Variants in CATSPERB observed in about 807,000 individuals in gnomAD.
CATSPERB encodes the protein cation channel sperm-associated auxiliary subunit beta.
In CATSPERB, 93 loss-of-function variants were observed where a neutral mutation model predicts 128.3. That is an observed-to-expected ratio of 0.72 (90% CI 0.61 to 0.86). The LOEUF is 0.86. Ranked by LOEUF, CATSPERB falls within the 40% of genes least tolerant of loss-of-function variation. The pLI is 0.00. For synonymous variants in CATSPERB, 381 were observed against 448.8 expected (o/e 0.85, Z 1.91); for missense variants, 1,153 against 1,329.5 (o/e 0.87, Z 2.06).
chr14:91,629,627 G>A (rs1894236121), intron 17 of CATSPERB, among the ~76,000 whole-genome samples: 1 of 152,066 alleles, frequency 6.6e-6, no homozygotes, highest in South Asian at 2.1e-4. Context: ...ATGGGACAGA[G>A]GTATATAGGA....
chr14:91,614,814 AC>A (rs1893904930), intron 20 of CATSPERB, among the ~76,000 whole-genome samples: 2 of 152,232 alleles, frequency 1.3e-5, no homozygotes, highest in South Asian at 4.1e-4. Context: ...CCAAAACAAA[AC>A]AAAAGATAGA....
At chr14:91,611,886 T>C (rs1440658147) in intron 20 of CATSPERB, among the ~76,000 whole-genome samples, 1 of 152,224 alleles carries the variant, frequency 6.6e-6, no homozygotes, top group Non-Finnish European at 1.5e-5. Context: ...AAAATATTTT[T>C]TAAAGACTTA....
At chr14:91,620,647 G>C (rs144860487) in intron 19 of CATSPERB, among the ~76,000 whole-genome samples, 265 of 152,224 alleles carry the variant, frequency 1.7e-3, no homozygotes, top group African/African-American at 6.2e-3. Context: ...GGAAAGTATA[G>C]AATTCTACTT....
At chr14:91,710,508 G>C (rs574180965) in intron 5 of CATSPERB, 23 of 152,252 alleles carry the variant, frequency 1.5e-4, no homozygotes, top group African/African-American at 5.1e-4. Flanking sequence ...TCATTTGAGA[G>C]ACTTCCAGTT....
intron 11 of CATSPERB, among the ~76,000 whole-genome samples, chr14:91,683,176 T>G (rs1191048390): frequency 6.6e-6 from 1 of 152,244 alleles, no homozygotes; most frequent in Admixed American, 6.5e-5. Flanking sequence ...AAAGATGTTC[T>G]CAGAAACTCC....
At chr14:91,597,231 A>T (rs1376168767) in intron 22 of CATSPERB, among the ~76,000 whole-genome samples, 2 of 152,172 alleles carry the variant, frequency 1.3e-5, no homozygotes, top group Non-Finnish European at 2.9e-5. Context: ...AAGTTTGTCA[A>T]ATATAAAAGC....
chr14:91,633,019 G>A (rs941083040), intron 17 of CATSPERB, among the ~76,000 whole-genome samples: 1 of 152,074 alleles, frequency 6.6e-6, no homozygotes, highest in Non-Finnish European at 1.5e-5. Flanking sequence ...TATCTTCCTA[G>A]CCACTTCTCC....
At chr14:91,729,510 C>A in intron 1 of CATSPERB, 31 bp from the exon 2 acceptor site, 1 of 1,202,762 alleles carries the variant, frequency 8.3e-7, no homozygotes, top group Non-Finnish European at 1.2e-6. Context: ...TATTTTCACT[C>A]AATTTCTGAA....
intron 16 of CATSPERB, 42 bp from the exon 17 acceptor site, chr14:91,636,621 A>C: frequency 6.6e-7 from 1 of 1,506,710 alleles, no homozygotes; most frequent in Non-Finnish European, 9.0e-7. Flanking sequence ...AAACTACTTT[A>C]TACTTCAATT....
chr14:91,630,125 A>G (rs1387064053), intron 17 of CATSPERB, among the ~76,000 whole-genome samples: 1 of 152,098 alleles, frequency 6.6e-6, no homozygotes, highest in East Asian at 1.9e-4. Flanking sequence ...TTCTTATTTT[A>G]CTCAAGTCTC....
intron 17 of CATSPERB, among the ~76,000 whole-genome samples, chr14:91,626,420 A>G (rs1358231615): frequency 1.6e-5 from 2 of 123,160 alleles, no homozygotes; most frequent in Non-Finnish European, 3.2e-5. Flanking sequence ...CCTGGAGTGC[A>G]GTGGCGCCAT....
At chr14:91,676,648 A>G (rs905170588) in intron 11 of CATSPERB, among the ~76,000 whole-genome samples, 1 of 152,222 alleles carries the variant, frequency 6.6e-6, no homozygotes, top group African/African-American at 2.4e-5. Flanking sequence ...AATGGAAGAA[A>G]AAAAGGATAA....
chr14:91,655,796 G>A (rs1228087543), intron 15 of CATSPERB, among the ~76,000 whole-genome samples: 1 of 152,094 alleles, frequency 6.6e-6, no homozygotes, highest in African/African-American at 2.4e-5. Context: ...TAATAACAGA[G>A]AACTTCCCAA....
chr14:91,652,836 T>C (rs1007446318), intron 15 of CATSPERB, among the ~76,000 whole-genome samples: 7 of 152,136 alleles, frequency 4.6e-5, no homozygotes, highest in African/African-American at 1.7e-4. Context: ...GAATCTTAGG[T>C]TGACACAGCT....
chr14:91,725,167 A>G lies in CATSPERB; in HGVS notation c.81T>C (p.Asp27=). ...AACATGCAAAGCGTTTCTCTGTATC[A>G]TCTAAATAATAAAAAAAATACATAT... ...EFSSGIVYNK[D]DTEKRFACSN... is the part of the protein sequence containing the mutation. Residue 27 remains aspartate, a splice_region_variant and synonymous_variant, in exon 3 of 27, where the codon GAT becomes GAC. Coordinates refer to ENST00000256343, the MANE Select transcript of CATSPERB (RefSeq NM_024764.4). 1.3e-6 allele frequency: 2 copies of G among 1,483,224 alleles called. No individual in the cohort carries two copies. The highest frequency in any genetic ancestry group is 9.1e-7 in the Non-Finnish European group (1 of 1,100,348). 91.9% of individuals were successfully genotyped at this position (1,483,224 alleles called of 1,614,324 possible).
chr14:91,600,035 C>A (rs898175902), intron 22 of CATSPERB, among the ~76,000 whole-genome samples: 2 of 152,166 alleles, frequency 1.3e-5, no homozygotes, highest in African/African-American at 2.4e-5. Context: ...TCAGTTAATG[C>A]GCATCTGATT....
chr14:91,716,583 A>C (rs545040077), intron 5 of CATSPERB, among the ~76,000 whole-genome samples: 10 of 152,296 alleles, frequency 6.6e-5, no homozygotes, highest in Admixed American at 6.5e-4. Context: ...TCTCAAAAAA[A>C]TCCAAACAAA....
chr14:91,676,886 T>A (rs1189174109), intron 11 of CATSPERB, among the ~76,000 whole-genome samples: 1 of 152,054 alleles, frequency 6.6e-6, no homozygotes, highest in Non-Finnish European at 1.5e-5. Context: ...TCTAGACCAA[T>A]GGAACATAAC....
At chr14:91,598,932 T>C (rs1329810410) in intron 22 of CATSPERB, among the ~76,000 whole-genome samples, 1 of 152,016 alleles carries the variant, frequency 6.6e-6, no homozygotes, top group Non-Finnish European at 1.5e-5. Context: ...AAGCTGTCCT[T>C]GTTCATTCCT....
Sources: gnomAD v4.1 joint callset for allele counts (sites outside exome capture counted in the v4.1 genomes callset) on GRCh38, gnomAD v4.1.1 for gene constraint, MANE v1.5 for transcripts, NCBI Gene and HGNC (gene_info 2026-07-23, HGNC 2026-07-21) for gene names.